Variants in PLEKHA3 observed in about 807,000 individuals in gnomAD.
PLEKHA3 encodes the protein pleckstrin homology domain-containing family A member 3.
In PLEKHA3, 19 loss-of-function variants were observed where a neutral mutation model predicts 39.2. The ratio of observed to expected loss-of-function variants is 0.48; its 90% CI spans 0.34 to 0.71. The LOEUF is 0.71. Among genes scored for constraint, PLEKHA3 ranks in the 30% least tolerant of loss-of-function variants. The pLI is 0.01. For missense variants in PLEKHA3, 253 were observed against 359.5 expected (o/e 0.70, Z 2.40); for synonymous variants, 97 against 118.6 (o/e 0.82, Z 1.18).
intron 4 of PLEKHA3, among the ~76,000 whole-genome samples, chr2:178,494,441 C>T (rs189332824): frequency 2.0e-5 from 3 of 152,170 alleles, no homozygotes; most frequent in East Asian, 3.9e-4. Flanking sequence ...TTAGTAGGAT[C>T]GGGCTATAAT....
rs1685671117 is a variant in PLEKHA3 at position 178,510,714 on chromosome 2, G to A, written c.*6827G>A. The A allele has an allele frequency of 6.5e-6, 1 of 153,618 alleles. No individual in the cohort carries two copies. The highest frequency in any genetic ancestry group is 1.5e-5 in the Non-Finnish European group (1 of 68,034). 9.5% of individuals were successfully genotyped at this position (153,618 alleles called of 1,614,324 possible). A position where few individuals can be genotyped will look rare whatever the true frequency, so the allele number is the denominator to read the frequency against. On this transcript the variant is annotated 3_prime_UTR_variant, in exon 8 of 8. Transcript: ENST00000234453. The stretch of plus-strand genomic sequence containing the variant: ...CTTGGATTTCTCAGCCTCCAAAACT[G>A]TGAAAAAATAAATTTTCATTCTTTA...
Position 178,511,675 on chromosome 2 carries a change from C to G in PLEKHA3, c.*7788C>G, listed in dbSNP as rs1002882225. On this transcript the variant is annotated 3_prime_UTR_variant, in exon 8 of 8. Coordinates refer to ENST00000234453, the MANE Select transcript of PLEKHA3 (RefSeq NM_019091.4). ...CGGGAGCCACCGTGCCCGACCTGAC[C>G]TCTCCATCTTTGGCGTCCTTATGCT... 5.3e-5 allele frequency: 8 copies of G among 151,942 alleles called. No homozygotes were observed. Among genetic ancestry groups the G allele is most frequent in the Non-Finnish European group, 1.2e-4 (8 of 68,060 alleles). 9.4% of individuals were successfully genotyped at this position (151,942 alleles called of 1,614,324 possible).
rs111312416 is a variant in PLEKHA3 at position 178,515,065 on chromosome 2, G to A, written c.*11178G>A. 8.1e-6 allele frequency: 1 copy of A among 123,722 alleles called. No individual in the cohort carries two copies. The highest frequency in any genetic ancestry group is 1.7e-5 in the Non-Finnish European group (1 of 60,474). 7.7% of individuals were successfully genotyped at this position (123,722 alleles called of 1,614,324 possible). ...CTCTTTTTTTTTTTTTTTTTTTGTAGCATATGGCTTCCTCTACTGTATGTT... is the reference window on the plus strand; with the variant it reads ...CTCTTTTTTTTTTTTTTTTTTTGTAACATATGGCTTCCTCTACTGTATGTT... On this transcript the variant is annotated 3_prime_UTR_variant, in exon 8 of 8. Coordinates refer to ENST00000234453, the MANE Select transcript of PLEKHA3 (RefSeq NM_019091.4).
At chr2:178,500,946 T>C in intron 6 of PLEKHA3, 115 bp from the exon 7 acceptor site, 1 of 715,286 alleles carries the variant, frequency 1.4e-6, no homozygotes, top group South Asian at 1.8e-5. Flanking sequence ...ACACGGGACG[T>C]TGAGCATAAA....
At chr2:178,488,389 T>A (rs1036396292) in intron 2 of PLEKHA3, among the ~76,000 whole-genome samples, 1 of 152,260 alleles carries the variant, frequency 6.6e-6, no homozygotes, top group Non-Finnish European at 1.5e-5. Flanking sequence ...ACTGAAGACA[T>A]CTTCTGTGTT....
intron 6 of PLEKHA3, 61 bp from the exon 7 acceptor site, chr2:178,501,000 G>A: frequency 9.9e-7 from 1 of 1,006,200 alleles, no homozygotes; most frequent in Non-Finnish European, 1.5e-6. Context: ...TAAAATTCCA[G>A]TTGAGTGTGT....
Position 178,515,790 on chromosome 2 carries a change from T to G in PLEKHA3, c.*11903T>G, listed in dbSNP as rs1022047335. 3.9e-5 allele frequency: 6 copies of G among 152,156 alleles called. No individual in the cohort carries two copies. Among genetic ancestry groups the G allele is most frequent in the Non-Finnish European group, 8.8e-5 (6 of 67,988 alleles). The allele number at this position is 152,156 out of a possible 1,614,324, so 9.4% of individuals were successfully genotyped here. On this transcript the variant is annotated 3_prime_UTR_variant, in exon 8 of 8. Coordinates refer to ENST00000234453, the MANE Select transcript of PLEKHA3 (RefSeq NM_019091.4). Reference sequence around the variant, plus strand: ...TAATATCTTAGATACAATGACTATCTTAATTATAATTGGCTTTCCAAAATT... The same window carrying G: ...TAATATCTTAGATACAATGACTATCGTAATTATAATTGGCTTTCCAAAATT...
rs1685744017 is a variant in PLEKHA3 at position 178,515,134 on chromosome 2, T to C, written c.*11247T>C. 1 of 151,762 alleles carries C rather than the reference T, an allele frequency of 6.6e-6. No individual in the cohort carries two copies. Among genetic ancestry groups the C allele is most frequent in the Non-Finnish European group, 1.5e-5 (1 of 67,992 alleles). The allele number at this position is 151,762 out of a possible 1,614,324, so 9.4% of individuals were successfully genotyped here. On this transcript the variant is annotated 3_prime_UTR_variant, in exon 8 of 8. Coordinates refer to ENST00000234453, the MANE Select transcript of PLEKHA3 (RefSeq NM_019091.4). ...GGATTTGACTCCTGCAGGTATTTTT[T>C]TTTTTTTCTTTTGGGGGAGTGTGAC...
At position 178,480,744 on chromosome 2, in the gene PLEKHA3, G is replaced by C; in HGVS notation, c.-126G>C. ...CACGTCCCTGCGGCGCGCGCAGGCA[G>C]AAAGCGGCTTCGTGCCGGCGGAGGG... On this transcript the variant is annotated 5_prime_UTR_variant, in exon 1 of 8. Coordinates refer to ENST00000234453, the MANE Select transcript of PLEKHA3 (RefSeq NM_019091.4). The C allele has an allele frequency of 2.5e-6, 2 of 791,360 alleles. No homozygotes were observed. Among genetic ancestry groups the C allele is most frequent in the Middle Eastern group, 6.8e-4 (2 of 2,922 alleles). The allele number at this position is 791,360 out of a possible 1,614,324, so 49.0% of individuals were successfully genotyped here.
rs868058009 is a variant in PLEKHA3 at position 178,502,868 on chromosome 2, G to A, written c.776-892G>A. Among the ~76,000 whole-genome samples the A allele has an allele frequency of 2.0e-5, 3 of 151,734 alleles. No individual in the cohort carries two copies. The South Asian group carries it at 6.2e-4, about 32-fold the overall frequency. ...ACTTCTCTAGAACATCTTTAAATTA[G>A]CAAGTATAGACTAGGTCAGAAATTT... On this transcript the variant is annotated intron_variant, in intron 7 of 7. Transcript: ENST00000234453.
chr2:178,512,255 C>T lies in PLEKHA3; in HGVS notation c.*8368C>T, dbSNP rs1411648866. The T allele has an allele frequency of 6.6e-6, 1 of 152,058 alleles. No individual in the cohort carries two copies. The highest frequency in any genetic ancestry group is 2.4e-5 in the African/African-American group (1 of 41,390). The allele number at this position is 152,058 out of a possible 1,614,324, so 9.4% of individuals were successfully genotyped here. On this transcript the variant is annotated 3_prime_UTR_variant, in exon 8 of 8. Transcript: ENST00000234453. ...TATCCACAAAACCTAGAATATATGA[C>T]AGGGTGGATTCAGTTTTGCTTAGTT...
rs1289759624 is a variant in PLEKHA3, at chr2:178,491,840, C to T, written c.313+1026C>T. On this transcript the variant is annotated intron_variant, in intron 3 of 7. Transcript: ENST00000234453. The stretch of plus-strand genomic sequence containing the variant: ...TTCTGGTGAGGGCCTCATGCTGCAT[C>T]ATAGCATGGCGGAGGAAGCAAGGGA... Among the ~76,000 whole-genome samples, 7 of 152,044 alleles carry T rather than the reference C, an allele frequency of 4.6e-5. No homozygotes were observed. The East Asian group carries it at 1.4e-3, about 29-fold the overall frequency.
chr2:178,492,084 TA>T (rs1310875928), intron 3 of PLEKHA3, among the ~76,000 whole-genome samples: 2 of 152,178 alleles, frequency 1.3e-5, no homozygotes, highest in Non-Finnish European at 2.9e-5. Context: ...CAAACCATAG[TA>T]CAGTTATTTG....
At chr2:178,493,822 C>A (rs1685397191) in intron 3 of PLEKHA3, 31 bp from the exon 4 acceptor site, 2 of 1,569,766 alleles carry the variant, frequency 1.3e-6, no homozygotes, top group Non-Finnish European at 1.7e-6. Context: ...TGAAAATGAT[C>A]TAACTGTATA....
In PLEKHA3 at chr2:178,493,012, G is replaced by A. The variant is rs866797652; in HGVS notation, c.314-841G>A. Among the ~76,000 whole-genome samples, 4 of 152,320 alleles carry A rather than the reference G, an allele frequency of 2.6e-5. No individual in the cohort carries two copies. In the East Asian group the frequency reaches 7.7e-4, roughly 29 times the overall value. Reference sequence around the variant, plus strand: ...AGGTTAGATTAAATGCGCAGATAGAGCTGCTTTGTCCATTCTGGCAAAAGT... The same window carrying A: ...AGGTTAGATTAAATGCGCAGATAGAACTGCTTTGTCCATTCTGGCAAAAGT... On this transcript the variant is annotated intron_variant, in intron 3 of 7. Transcript: ENST00000234453.
chr2:178,495,345 G>C, intron 4 of PLEKHA3, 151 bp from the exon 5 acceptor site: 1 of 685,010 alleles, frequency 1.5e-6, no homozygotes. Context: ...TTTTGCCCCA[G>C]CTTAATTTTC....
rs573082066 is a variant in PLEKHA3, at chr2:178,506,176, T to C, written c.*2289T>C. ...TTTATAGAAAAATTATTGGTTATTA[T>C]TAGTTATTAGTAGTCCCTTTTTTTT... On this transcript the variant is annotated 3_prime_UTR_variant, in exon 8 of 8. Transcript: ENST00000234453. 5.9e-5 allele frequency: 9 copies of C among 152,266 alleles called. No homozygotes were observed. The East Asian group carries it at 1.5e-3, about 26-fold the overall frequency. 9.4% of individuals were successfully genotyped at this position (152,266 alleles called of 1,614,324 possible).
intron 3 of PLEKHA3, among the ~76,000 whole-genome samples, chr2:178,492,775 T>A (rs1685372937): frequency 1.3e-5 from 2 of 152,112 alleles, no homozygotes; most frequent in African/African-American, 4.8e-5. Context: ...GGTTAGTGTT[T>A]AGTGGGTACA....
rs1473753870 is a variant in PLEKHA3, at chr2:178,515,829, A to T, written c.*11942A>T. ...CTTTCCAAAATTTTCACTTTTTTTC[A>T]GTTAACTAGTTGAATAGTATTTATC... On this transcript the variant is annotated 3_prime_UTR_variant, in exon 8 of 8. Transcript: ENST00000234453. 6.6e-6 allele frequency: 1 copy of T among 152,024 alleles called. No individual in the cohort carries two copies. Among genetic ancestry groups the T allele is most frequent in the Non-Finnish European group, 1.5e-5 (1 of 67,964 alleles). 9.4% of individuals were successfully genotyped at this position (152,024 alleles called of 1,614,324 possible).
Sources: allele counts gnomAD v4.1 joint callset (sites outside exome capture counted in the v4.1 genomes callset), GRCh38; gene constraint gnomAD v4.1.1; transcripts MANE v1.5; gene names NCBI Gene and HGNC (gene_info 2026-07-23, HGNC 2026-07-21).